Variants in CCT4 observed in about 807,000 individuals in gnomAD.
The protein encoded by CCT4 is chaperonin containing TCP1 subunit 4.
CCT4 carries 17 observed loss-of-function variants against 62.5 expected under a neutral mutation model. That is an observed-to-expected ratio of 0.27 (90% CI 0.19 to 0.41). The LOEUF (loss-of-function observed/expected upper bound fraction) is 0.41, where lower values mean the gene tolerates loss of function less well. Among genes scored for constraint, CCT4 ranks in the 10% least tolerant of loss-of-function variants. CCT4 has a pLI of 1.00. For synonymous variants in CCT4, 250 were observed against 229.9 expected (o/e 1.09, Z -0.79); for missense variants, 592 against 659.2 (o/e 0.90, Z 1.12).
chr2:61,871,751 A>C (rs1025465726), intron 12 of CCT4, among the ~76,000 whole-genome samples: 3 of 152,248 alleles, frequency 2.0e-5, no homozygotes, highest in Admixed American at 1.3e-4. Flanking sequence ...GAGCTTGTTA[A>C]CTAGAAATGC....
chr2:61,881,870 TAA>T (rs971991665), intron 3 of CCT4, among the ~76,000 whole-genome samples: 3 of 143,558 alleles, frequency 2.1e-5, no homozygotes, highest in Middle Eastern at 3.8e-3. Context: ...AGTATCTTTG[TAA>T]AAAAAAAAAA....
rs369914990 is a variant in CCT4 at position 61,885,071 on chromosome 2, C to T, written c.129G>A (p.Ala43=). ...IRFSNISAAK[A]VADAIRTSLG... is the part of the protein sequence containing the mutation. ...GGCTTGTTCTAATAGCATCAGCAAC[C>T]GCTGCAGATGGGGGGGAAAAAAAAG... The change falls in exon 2 of 14, where the codon GCG becomes GCA. Residue 43 remains alanine (A), a splice_region_variant and synonymous_variant. Coordinates refer to ENST00000394440, the MANE Select transcript of CCT4 (RefSeq NM_006430.4). 62 of 1,541,334 alleles carry T rather than the reference C, an allele frequency of 4.0e-5. No individual in the cohort carries two copies. In the African/African-American group the frequency reaches 4.7e-4, roughly 12 times the overall value.
At chr2:61,882,379 G>A (rs868765889) in intron 3 of CCT4, among the ~76,000 whole-genome samples, 8 of 152,234 alleles carry the variant, frequency 5.3e-5, no homozygotes, top group South Asian at 2.1e-4. Flanking sequence ...ACTGTTTCCA[G>A]TAGATTATAT....
chr2:61,871,863 C>T (rs549446032), intron 12 of CCT4, among the ~76,000 whole-genome samples: 47 of 152,286 alleles, frequency 3.1e-4, no homozygotes, highest in African/African-American at 1.1e-3. Context: ...AAAAGCTAGT[C>T]AGTAAGTGGC....
chr2:61,872,693 T>C (rs1271772482), intron 10 of CCT4, 105 bp from the exon 11 acceptor site: 10 of 1,119,926 alleles, frequency 8.9e-6, no homozygotes, highest in Non-Finnish European at 1.2e-5. Flanking sequence ...TTTGGGAGGA[T>C]GAGGCGGGTG....
In CCT4 at chr2:61,878,857, T is replaced by A; in HGVS notation, c.522+12A>T. The A allele has an allele frequency of 6.3e-7, 1 of 1,594,500 alleles. No individual in the cohort carries two copies. Among genetic ancestry groups the A allele is most frequent in the East Asian group, 2.2e-5 (1 of 44,752 alleles). On this transcript the variant is annotated intron_variant, in intron 5 of 13. Coordinates refer to ENST00000394440, the MANE Select transcript of CCT4 (RefSeq NM_006430.4). Reference sequence around the variant, plus strand: ...AACTAATTTGACAAGTATCCGTTAGTGTTTGTCTCACCTTTGAGTTCAGTG... The same window carrying A: ...AACTAATTTGACAAGTATCCGTTAGAGTTTGTCTCACCTTTGAGTTCAGTG...
intron 13 of CCT4, 108 bp from the exon 14 acceptor site, chr2:61,868,814 C>T: frequency 3.8e-6 from 3 of 792,666 alleles, no homozygotes; most frequent in Non-Finnish European, 6.6e-6. Context: ...GAACTGCTGT[C>T]ACCTTGATGA....
chr2:61,871,969 T>G, intron 12 of CCT4, 113 bp downstream of exon 12: 1 of 733,122 alleles, frequency 1.4e-6, no homozygotes, highest in African/African-American at 1.8e-5. Flanking sequence ...GGCCTCATAT[T>G]TAAATCCAAG....
intron 1 of CCT4, among the ~76,000 whole-genome samples, chr2:61,885,403 T>C (rs1669228070): frequency 6.6e-6 from 1 of 151,964 alleles, no homozygotes; most frequent in Admixed American, 6.6e-5. Context: ...TTAGTCAACG[T>C]ACACAGTATT....
intron 3 of CCT4, 145 bp downstream of exon 3, chr2:61,883,314 A>G (rs1370187131): frequency 1.3e-5 from 7 of 544,830 alleles, no homozygotes; most frequent in African/African-American, 9.9e-5. Context: ...CCAGCTACTC[A>G]GGAGGCTGAG....
chr2:61,868,585 C>A lies in CCT4; in HGVS notation c.*107G>T. On this transcript the variant is annotated 3_prime_UTR_variant, in exon 14 of 14. Transcript: ENST00000394440. The stretch of plus-strand genomic sequence containing the variant: ...GCAAATGCCAACTGGAAGACCAAGC[C>A]CAGAAATTCAGAGGAAATAATCTTC... 1 of 827,772 alleles carries A rather than the reference C, an allele frequency of 1.2e-6. No homozygotes were observed. The highest frequency in any genetic ancestry group is 2.0e-6 in the Non-Finnish European group (1 of 495,374). The allele number at this position is 827,772 out of a possible 1,614,324, so 51.3% of individuals were successfully genotyped here.
At chr2:61,881,882 A>ATT (rs55921095) in intron 3 of CCT4, among the ~76,000 whole-genome samples, 5 of 150,692 alleles carry the variant, frequency 3.3e-5, no homozygotes, top group Non-Finnish European at 5.9e-5. Flanking sequence ...AAAAAAAAAA[A>ATT]TTTTTTAAAA....
At chr2:61,874,316 G>T (rs1292822297) in intron 8 of CCT4, among the ~76,000 whole-genome samples, 1 of 152,020 alleles carries the variant, frequency 6.6e-6, no homozygotes, top group Non-Finnish European at 1.5e-5. Context: ...AAATGGGAAT[G>T]CGTCTATTAG....
chr2:61,872,650 G>C, intron 10 of CCT4, 62 bp from the exon 11 acceptor site: 2 of 1,575,526 alleles, frequency 1.3e-6, no homozygotes, highest in Non-Finnish European at 1.7e-6. Flanking sequence ...CACCCAGGCC[G>C]GGCACGGCGG....
chr2:61,888,126 T>A (rs1486479091), intron 1 of CCT4: 1 of 431,548 alleles, frequency 2.3e-6, no homozygotes, highest in African/African-American at 2.0e-5. Flanking sequence ...CCAATATGAA[T>A]GATGCACAGT....
intron 12 of CCT4, among the ~76,000 whole-genome samples, 186 bp downstream of exon 12, chr2:61,871,896 T>C (rs940918542): frequency 6.6e-6 from 1 of 152,210 alleles, no homozygotes; most frequent in East Asian, 1.9e-4. Context: ...CAAATAATAC[T>C]TCCCCCTAAG....
At chr2:61,882,596 T>C (rs1430676027) in intron 3 of CCT4, among the ~76,000 whole-genome samples, 1 of 151,468 alleles carries the variant, frequency 6.6e-6, no homozygotes. Context: ...GCTCACTACC[T>C]CCCCTGGACT....
chr2:61,872,374 A>T (rs947088753), intron 11 of CCT4, 58 bp from the exon 12 acceptor site: 12 of 1,431,044 alleles, frequency 8.4e-6, no homozygotes, highest in Non-Finnish European at 1.1e-5. Flanking sequence ...TATTTTTAAT[A>T]ATTTGCTATT....
intron 7 of CCT4, among the ~76,000 whole-genome samples, 171 bp downstream of exon 7, chr2:61,876,748 GA>G (rs1200486789): frequency 6.6e-6 from 1 of 152,144 alleles, no homozygotes; most frequent in African/African-American, 2.4e-5. Context: ...CCCAACTGAG[GA>G]TACAGACTTG....
Sources: allele counts gnomAD v4.1 joint callset (sites outside exome capture counted in the v4.1 genomes callset), GRCh38; gene constraint gnomAD v4.1.1; transcripts MANE v1.5; gene names NCBI Gene and HGNC (gene_info 2026-07-23, HGNC 2026-07-21).